Variants in BRD4 observed in about 807,000 individuals in gnomAD.
The protein encoded by BRD4 is bromodomain containing 4.
A neutral mutation model predicts 142.1 loss-of-function variants in BRD4; 16 were observed. The observed-to-expected ratio is 0.11, with a 90% CI of 0.08 to 0.17. BRD4 has a LOEUF of 0.17. BRD4 is among the 10% of genes least tolerant of loss of function. The probability of loss-of-function intolerance (pLI) is 1.00; values close to 1 mark genes in which losing one functional copy is unlikely to be tolerated. For missense variants in BRD4, 1,424 were observed against 1,810.9 expected (o/e 0.79, Z 3.88); for synonymous variants, 833 against 707.5 (o/e 1.18, Z -2.82).
chr19:15,266,834 T>A (rs118045728), intron 4 of BRD4, among the ~76,000 whole-genome samples: 2 of 152,294 alleles, frequency 1.3e-5, no homozygotes, highest in Admixed American at 1.3e-4. Flanking sequence ...CAGTAGCTGC[T>A]GGAGAGTTTC....
intron 11 of BRD4, among the ~76,000 whole-genome samples, chr19:15,251,765 A>G (rs531400596): frequency 9.8e-5 from 15 of 152,326 alleles, no homozygotes; most frequent in African/African-American, 3.4e-4. Flanking sequence ...TGAGAGGAGA[A>G]GCACCCTGCC....
At chr19:15,241,162 G>A (rs1024606835) in intron 14 of BRD4, among the ~76,000 whole-genome samples, 2 of 152,238 alleles carry the variant, frequency 1.3e-5, no homozygotes, top group African/African-American at 4.8e-5. Context: ...TCCTGGCGTT[G>A]ACATCTCCTC....
Position 15,238,884 on chromosome 19 carries a change from TTGCTCCTGGCGCTGCTGC to T in BRD4, c.3861_3878del (p.Arg1290_Gln1295del). ...CTGCTTGCTGTTGCTGCTGCTGCTG[TTGCTCCTGGCGCTGCTGC>T]TGCTGCTGCTCCTGGCGCCGACGTG... On this transcript the variant is annotated inframe_deletion, in exon 19 of 20. Coordinates refer to ENST00000679869, the MANE Select transcript of BRD4 (RefSeq NM_001379291.1). The surrounding 1 kb of genome is among the most constrained non-coding windows in gnomAD (Gnocchi z 7.2). 8 of 1,598,134 alleles carry T rather than the reference TTGCTCCTGGCGCTGCTGC, an allele frequency of 5.0e-6. No homozygotes were observed. Among genetic ancestry groups the T allele is most frequent in the Non-Finnish European group, 6.0e-6 (7 of 1,173,176 alleles).
rs200203571 is a variant in BRD4, at chr19:15,269,020, G to T, written c.308C>A (p.Thr103Lys). 6.2e-7 allele frequency: 1 copy of T among 1,614,200 alleles called. No individual in the cohort carries two copies. The highest frequency in any genetic ancestry group is 8.5e-7 in the Non-Finnish European group (1 of 1,180,030). Residue 103 changes from threonine (T) to lysine (K), a missense_variant, in exon 3 of 20, where the codon ACG becomes AAG. Thr to Lys is a moderately conservative substitution (Grantham distance 78). Transcript: ENST00000679869. ...CTTTATTGTTCCCATATCCATAGGC[G>T]TTTTAATGATCTTATAGTAATCCTG... is the stretch of plus-strand genomic sequence containing the variant. ...NLPDYYKIIK[T>K]PMDMGTIKKR... is the part of the protein sequence containing the mutation.
In BRD4 at chr19:15,238,469, G is replaced by C; in HGVS notation, c.4021-24C>G. Reference sequence around the variant, plus strand: ...ATCTGGAGGAGAAAGGAAGGAGGGAGTCAGGAGGATGACCTAGCCACCCTG... The same window carrying C: ...ATCTGGAGGAGAAAGGAAGGAGGGACTCAGGAGGATGACCTAGCCACCCTG... On this transcript the variant is annotated intron_variant, in intron 19 of 19. Coordinates refer to ENST00000679869, the MANE Select transcript of BRD4 (RefSeq NM_001379291.1). This position sits in a 1 kb window ranked among gnomAD's most constrained non-coding sequence, Gnocchi z 7.2. The C allele has an allele frequency of 2.5e-6, 4 of 1,613,730 alleles. No individual in the cohort carries two copies. The highest frequency in any genetic ancestry group is 3.4e-6 in the Non-Finnish European group (4 of 1,179,910).
At chr19:15,324,368 C>CA (rs776219831) in intron 1 of BRD4, among the ~76,000 whole-genome samples, 27 of 152,318 alleles carry the variant, frequency 1.8e-4, no homozygotes, top group South Asian at 1.7e-3. Flanking sequence ...TTCACACAAG[C>CA]AAAAGGCAAC....
chr19:15,239,880 A>T lies in BRD4; in HGVS notation c.3282+30T>A. ...GGGCAGGCACCCCCGGCCCTAGCCCACAGGACTATGGCCCAGCCCTGCCAG... is the reference window on the plus strand; with the variant it reads ...GGGCAGGCACCCCCGGCCCTAGCCCTCAGGACTATGGCCCAGCCCTGCCAG... On this transcript the variant is annotated intron_variant, in intron 15 of 19. Coordinates refer to ENST00000679869, the MANE Select transcript of BRD4 (RefSeq NM_001379291.1). The surrounding 1 kb of genome is among the most constrained non-coding windows in gnomAD (Gnocchi z 7.4). 1 of 1,614,048 alleles carries T rather than the reference A, an allele frequency of 6.2e-7. No homozygotes were observed.
intron 7 of BRD4, among the ~76,000 whole-genome samples, chr19:15,262,829 T>A (rs1462939092): frequency 6.6e-6 from 1 of 152,232 alleles, no homozygotes; most frequent in Non-Finnish European, 1.5e-5. Flanking sequence ...GAAAGTCATT[T>A]TTTAAACTTA....
At chr19:15,306,104 G>A (rs1247304007) in intron 1 of BRD4, among the ~76,000 whole-genome samples, 1 of 152,192 alleles carries the variant, frequency 6.6e-6, no homozygotes, top group Non-Finnish European at 1.5e-5. Context: ...GATCTATCCA[G>A]ACCACTACAA....
chr19:15,240,173 G>T (rs2047227620), intron 14 of BRD4, 151 bp from the exon 15 acceptor site: 8 of 1,279,960 alleles, frequency 6.3e-6, no homozygotes, highest in Non-Finnish European at 7.3e-6. Flanking sequence ...GCTCAAAAAG[G>T]GTGAAGACCC....
In BRD4 at chr19:15,313,355, A is replaced by C. The variant is rs1252748260; in HGVS notation, c.-35+18935T>G. 4.2e-5 allele frequency among the ~76,000 whole-genome samples: 6 copies of C among 144,130 alleles called. No individual in the cohort carries two copies. In the Admixed American group the frequency reaches 4.3e-4, roughly 10 times the overall value. The allele number at this position is 144,130 out of a possible 152,430, so 94.6% of individuals were successfully genotyped here. The stretch of plus-strand genomic sequence containing the variant: ...GCCACTTCACTCCAGCCTGGGCAAC[A>C]AAGCAAGACTCCATCTTTAAAAAAA... On this transcript the variant is annotated intron_variant, in intron 1 of 19. Transcript: ENST00000679869.
chr19:15,282,077 G>A (rs1457911663), intron 1 of BRD4, among the ~76,000 whole-genome samples: 1 of 152,202 alleles, frequency 6.6e-6, no homozygotes, highest in Non-Finnish European at 1.5e-5. Flanking sequence ...TTCCAGCAGG[G>A]GCAGGCTAGG....
chr19:15,251,546 C>T (rs1291306654), intron 11 of BRD4, among the ~76,000 whole-genome samples: 1 of 149,742 alleles, frequency 6.7e-6, no homozygotes, highest in African/African-American at 2.5e-5. Flanking sequence ...TAAGGCAGAG[C>T]TGCCTGTAAC....
chr19:15,239,084 CCTT>C lies in BRD4; in HGVS notation c.3754_3756del (p.Lys1252del). 1.2e-6 allele frequency: 2 copies of C among 1,604,212 alleles called. No individual in the cohort carries two copies. Among genetic ancestry groups the C allele is most frequent in the Non-Finnish European group, 1.7e-6 (2 of 1,178,564 alleles). On this transcript the variant is annotated inframe_deletion, in exon 18 of 20. Coordinates refer to ENST00000679869, the MANE Select transcript of BRD4 (RefSeq NM_001379291.1). This position sits in a 1 kb window ranked among gnomAD's most constrained non-coding sequence, Gnocchi z 7.4. The stretch of plus-strand genomic sequence containing the variant: ...CTCATGCGCTCCTGCCGCAGCCGCT[CCTT>C]CTCCTTCTCAGCGTGCTCGGCCTGA...
chr19:15,262,524 TAAAAAAAAAAA>T (rs559468375), intron 7 of BRD4, among the ~76,000 whole-genome samples: 2 of 97,802 alleles, frequency 2.0e-5, no homozygotes, highest in Admixed American at 1.1e-4. Flanking sequence ...CCCATCTCTT[TAAAAAAAAAAA>T]AAAAAAAGAA....
At chr19:15,290,987 C>T (rs2047777667) in intron 1 of BRD4, among the ~76,000 whole-genome samples, 3 of 152,032 alleles carry the variant, frequency 2.0e-5, no homozygotes, top group Admixed American at 6.6e-5. Flanking sequence ...TTACTGGTCC[C>T]AGATGGAAAG....
At chr19:15,325,942 T>C (rs2048103904) in intron 1 of BRD4, among the ~76,000 whole-genome samples, 2 of 132,926 alleles carry the variant, frequency 1.5e-5, no homozygotes, top group African/African-American at 2.9e-5. Context: ...AGGCTGCAGT[T>C]AGCTGAGATC....
Position 15,242,885 on chromosome 19 carries a change from G to A in BRD4, c.3169+15C>T. ...GCACCAGCCTCCCCAGAGTCTACGG[G>A]TGAGGACCACTTACCGGTTGAGTAG... is the stretch of plus-strand genomic sequence containing the variant. On this transcript the variant is annotated intron_variant, in intron 14 of 19. Transcript: ENST00000679869. 6.3e-7 allele frequency: 1 copy of A among 1,599,794 alleles called. No homozygotes were observed. The highest frequency in any genetic ancestry group is 8.5e-7 in the Non-Finnish European group (1 of 1,173,742).
intron 1 of BRD4, among the ~76,000 whole-genome samples, chr19:15,277,055 T>C (rs377094893): frequency 1.1e-3 from 171 of 152,204 alleles, no homozygotes; most frequent in African/African-American, 3.9e-3. Context: ...GGAGACAACA[T>C]CTTCAAAGTT....
Sources: allele counts gnomAD v4.1 joint callset (sites outside exome capture counted in the v4.1 genomes callset), GRCh38; gene constraint gnomAD v4.1.1; non-coding constraint Gnocchi (gnomAD v3.1); transcripts MANE v1.5; gene names NCBI Gene and HGNC (gene_info 2026-07-23, HGNC 2026-07-21).